Variants in SGCZ observed in about 807,000 individuals in gnomAD.
SGCZ encodes the protein zeta-sarcoglycan.
A neutral mutation model predicts 41.3 loss-of-function variants in SGCZ; 40 were observed. The observed-to-expected ratio is 0.97, with a 90% confidence interval of 0.75 to 1.26. SGCZ has a LOEUF of 1.26. SGCZ is among the 50% of genes most tolerant of loss of function. The pLI, the probability that SGCZ is intolerant of heterozygous loss-of-function variation, is 0.00. For synonymous variants in SGCZ, 206 were observed against 137.5 expected (o/e 1.50, Z -3.49); for missense variants, 552 against 369.8 (o/e 1.49, Z -4.04).
intron 3 of SGCZ, among the ~76,000 whole-genome samples, chr8:14,318,940 C>CA (rs72034233): frequency 0.28 from 42,000 of 147,558 alleles, 6,181 homozygotes; most frequent in East Asian, 0.49. Flanking sequence ...CACTATTATA[C>CA]AAAAAAAAAT....
chr8:15,029,426 A>C (rs1425724202), intron 1 of SGCZ, among the ~76,000 whole-genome samples: 2 of 152,076 alleles, frequency 1.3e-5, no homozygotes, highest in Admixed American at 6.5e-5. Context: ...GTGCATGTTC[A>C]TGCATGTGTG....
chr8:14,513,206 C>A (rs1490366610), intron 2 of SGCZ, among the ~76,000 whole-genome samples: 6 of 151,802 alleles, frequency 4.0e-5, no homozygotes, highest in Non-Finnish European at 8.8e-5. Flanking sequence ...CCACTCCCAG[C>A]TATTTTTCTT....
At chr8:14,824,137 A>G (rs1802209076) in intron 1 of SGCZ, among the ~76,000 whole-genome samples, 1 of 152,096 alleles carries the variant, frequency 6.6e-6, no homozygotes. Context: ...TTCGAGAGAA[A>G]CAGACTTACA....
Position 15,228,174 on chromosome 8 carries a change from C to T in SGCZ, c.39+9411G>A, listed in dbSNP as rs553534328. On this transcript the variant is annotated intron_variant, in intron 1 of 7. Coordinates refer to ENST00000382080, the MANE Select transcript of SGCZ (RefSeq NM_139167.4). ...GAAACAAATACGTATGTAATATATT[C>T]ATCTTTATAAAATGAAAGCAGGTTT... Among the ~76,000 whole-genome samples the T allele has an allele frequency of 7.9e-5, 12 of 152,272 alleles. 1 individual carries two copies. Among genetic ancestry groups the T allele is most frequent in the African/African-American group, 2.6e-4 (11 of 41,566 alleles).
intron 1 of SGCZ, among the ~76,000 whole-genome samples, chr8:14,724,115 A>G (rs139437951): frequency 6.6e-6 from 1 of 152,308 alleles, no homozygotes; most frequent in African/African-American, 2.4e-5. Flanking sequence ...AGTGTATGAG[A>G]AAAATGTGTC....
At chr8:14,120,148 C>T (rs986884596) in intron 5 of SGCZ, among the ~76,000 whole-genome samples, 4 of 152,052 alleles carry the variant, frequency 2.6e-5, no homozygotes, top group Non-Finnish European at 5.9e-5. Flanking sequence ...ATATGGAAAC[C>T]AGCAATAAAG....
At chr8:14,263,966 C>G (rs115556914) in intron 3 of SGCZ, among the ~76,000 whole-genome samples, 1,945 of 152,328 alleles carry the variant, frequency 0.013, 56 homozygotes, top group African/African-American at 0.043. Flanking sequence ...GGCAGAATCC[C>G]ACAACCTCTG....
intron 1 of SGCZ, among the ~76,000 whole-genome samples, chr8:15,043,899 T>C (rs934219582): frequency 1.3e-5 from 2 of 152,086 alleles, no homozygotes; most frequent in Admixed American, 6.6e-5. Context: ...TACTATTATA[T>C]AGGATCTTGC....
intron 1 of SGCZ, among the ~76,000 whole-genome samples, chr8:14,807,632 T>C (rs1312048387): frequency 6.6e-6 from 1 of 151,672 alleles, no homozygotes; most frequent in Non-Finnish European, 1.5e-5. Flanking sequence ...GAAGAATCAA[T>C]ATCGTGAAAA....
intron 1 of SGCZ, among the ~76,000 whole-genome samples, chr8:14,797,776 C>T (rs1042061077): frequency 6.6e-6 from 1 of 152,188 alleles, no homozygotes; most frequent in Non-Finnish European, 1.5e-5. Context: ...GGCCCCCTTG[C>T]TGTGTGCAGC....
At chr8:15,039,637 G>T (rs1410056698) in intron 1 of SGCZ, among the ~76,000 whole-genome samples, 1 of 152,098 alleles carries the variant, frequency 6.6e-6, no homozygotes, top group Non-Finnish European at 1.5e-5. Flanking sequence ...TTATTACACT[G>T]CTTCCAAAAA....
intron 2 of SGCZ, among the ~76,000 whole-genome samples, chr8:14,468,682 A>C (rs1801123656): frequency 6.6e-6 from 1 of 152,110 alleles, no homozygotes; most frequent in African/African-American, 2.4e-5. Flanking sequence ...CTAACACCTT[A>C]AGTAATTTAT....
chr8:15,124,745 C>T (rs1459204933), intron 1 of SGCZ, among the ~76,000 whole-genome samples: 1 of 151,902 alleles, frequency 6.6e-6, no homozygotes. Context: ...GCAAGAAATG[C>T]CAAAGGGGGA....
intron 3 of SGCZ, among the ~76,000 whole-genome samples, chr8:14,277,689 A>G (rs1028643481): frequency 2.0e-5 from 3 of 152,166 alleles, no homozygotes; most frequent in Non-Finnish European, 2.9e-5. Flanking sequence ...ACCTTGAATT[A>G]AAGTAAATTG....
chr8:14,568,150 C>T (rs1428787878), intron 1 of SGCZ, among the ~76,000 whole-genome samples: 5 of 151,842 alleles, frequency 3.3e-5, no homozygotes, highest in East Asian at 3.9e-4. Flanking sequence ...AACCAAACAC[C>T]GCATATTCTC....
At chr8:14,434,800 A>G (rs923107977) in intron 2 of SGCZ, among the ~76,000 whole-genome samples, 1 of 152,040 alleles carries the variant, frequency 6.6e-6, no homozygotes, top group African/African-American at 2.4e-5. Context: ...ACGGTAACGC[A>G]TGCCTGCAGT....
chr8:15,005,687 G>T (rs990260104), intron 1 of SGCZ, among the ~76,000 whole-genome samples: 11 of 150,876 alleles, frequency 7.3e-5, no homozygotes, highest in African/African-American at 2.4e-4. Flanking sequence ...GCCCTAGAAC[G>T]TGGCTTCATT....
At chr8:14,910,129 A>T (rs1799239725) in intron 1 of SGCZ, among the ~76,000 whole-genome samples, 1 of 152,202 alleles carries the variant, frequency 6.6e-6, no homozygotes, top group South Asian at 2.1e-4. Flanking sequence ...GCATTCTATA[A>T]AACTTATGAC....
chr8:14,613,742 A>G (rs1021703802), intron 1 of SGCZ, among the ~76,000 whole-genome samples: 3 of 152,164 alleles, frequency 2.0e-5, no homozygotes, highest in Non-Finnish European at 4.4e-5. Context: ...CATAAGAATT[A>G]TGGAGAGGGT....
Sources: allele counts gnomAD v4.1 joint callset (sites outside exome capture counted in the v4.1 genomes callset), GRCh38; gene constraint gnomAD v4.1.1; transcripts MANE v1.5; gene names NCBI Gene and HGNC (gene_info 2026-07-23, HGNC 2026-07-21).